Variants in PIK3CB observed in about 807,000 individuals in gnomAD.
PIK3CB encodes phosphatidylinositol-4,5-bisphosphate 3-kinase catalytic subunit beta, also known as phosphatidylinositol 4,5-bisphosphate 3-kinase catalytic subunit beta isoform.
In PIK3CB, 39 loss-of-function variants were observed where a neutral mutation model predicts 136.8. The ratio of observed to expected loss-of-function variants is 0.29; its 90% confidence interval spans 0.22 to 0.37. The LOEUF (loss-of-function observed/expected upper bound fraction) is 0.37, where lower values mean the gene tolerates loss of function less well. PIK3CB is among the 10% of genes least tolerant of loss of function. The pLI is 1.00. For missense variants in PIK3CB, 868 were observed against 1,275.4 expected (o/e 0.68, Z 4.87); for synonymous variants, 428 against 436.6 (o/e 0.98, Z 0.25).
intron 2 of PIK3CB, among the ~76,000 whole-genome samples, chr3:138,771,453 C>T (rs542591364): frequency 1.3e-5 from 2 of 152,096 alleles, no homozygotes; most frequent in South Asian, 2.1e-4. Flanking sequence ...CTCCTGACCT[C>T]GTGATCTGCC....
chr3:138,701,171 A>G (rs142111038), intron 12 of PIK3CB, among the ~76,000 whole-genome samples: 2 of 152,134 alleles, frequency 1.3e-5, no homozygotes, highest in East Asian at 3.9e-4. Context: ...ATTCTATAAA[A>G]TAATTGGCCT....
At chr3:138,769,207 C>A (rs2045770739) in intron 2 of PIK3CB, among the ~76,000 whole-genome samples, 4 of 152,234 alleles carry the variant, frequency 2.6e-5, no homozygotes, top group Admixed American at 2.6e-4. Context: ...AGCAGCTGTT[C>A]TAGACGGTCC....
At chr3:138,684,491 G>T (rs2043842323) in intron 17 of PIK3CB, 134 bp downstream of exon 17, 3 of 525,182 alleles carry the variant, frequency 5.7e-6, no homozygotes, top group Non-Finnish European at 6.5e-6. Flanking sequence ...TAGCCTCGGA[G>T]AACTTTTAAG....
At chr3:138,742,294 T>C (rs1036766702) in intron 5 of PIK3CB, among the ~76,000 whole-genome samples, 1 of 152,150 alleles carries the variant, frequency 6.6e-6, no homozygotes, top group African/African-American at 2.4e-5. Flanking sequence ...TAACATCCCT[T>C]TAAAACTGTA....
chr3:138,725,276 C>T (rs2044813294), intron 8 of PIK3CB, among the ~76,000 whole-genome samples: 1 of 152,012 alleles, frequency 6.6e-6, no homozygotes, highest in South Asian at 2.1e-4. Context: ...TATAACTAGG[C>T]TATGGGGAAT....
chr3:138,704,409 T>C (rs746982729), intron 12 of PIK3CB, 34 bp downstream of exon 12: 4 of 1,445,914 alleles, frequency 2.8e-6, no homozygotes, highest in Non-Finnish European at 3.9e-6. Context: ...CACAACTCCA[T>C]AAGAAAGGGC....
rs577642207 is a variant in PIK3CB at position 138,717,055 on chromosome 3, A to G, written c.1051-2336T>C. Among the ~76,000 whole-genome samples the G allele has an allele frequency of 1.5e-4, 23 of 151,958 alleles. No homozygotes were observed. In the South Asian group the frequency reaches 4.8e-3, roughly 32 times the overall value. On this transcript the variant is annotated intron_variant, in intron 8 of 23. Transcript: ENST00000674063. ...CGGATCATGAGGTCAAGAGATCAAG[A>G]CCATCCTGGCCAACATGGTAAAACT... is the stretch of plus-strand genomic sequence containing the variant.
rs117249502 is a variant in PIK3CB, at chr3:138,658,490, C to G, written c.2797-655G>C. Among the ~76,000 whole-genome samples the G allele has an allele frequency of 2.0e-4, 30 of 152,248 alleles. No homozygotes were observed. The East Asian group carries it at 5.6e-3, about 28-fold the overall frequency. On this transcript the variant is annotated intron_variant, in intron 21 of 23. Transcript: ENST00000674063. Reference sequence around the variant, plus strand: ...AACAAAAAAGTACATCCTTGCCCTACTAGCTCCCCACATTGAGTGCTACTC... The same window carrying G: ...AACAAAAAAGTACATCCTTGCCCTAGTAGCTCCCCACATTGAGTGCTACTC...
chr3:138,729,812 T>C (rs957737053), intron 8 of PIK3CB, among the ~76,000 whole-genome samples: 7 of 152,222 alleles, frequency 4.6e-5, no homozygotes, highest in African/African-American at 1.7e-4. Flanking sequence ...ATTTTTTGCT[T>C]ATTTATATGT....
chr3:138,758,848 C>G (rs1009388860), intron 3 of PIK3CB, among the ~76,000 whole-genome samples: 1 of 152,002 alleles, frequency 6.6e-6, no homozygotes, highest in African/African-American at 2.4e-5. Flanking sequence ...GCAGAAAAGT[C>G]TTTCTTCCCC....
chr3:138,748,702 G>A (rs1434842902), intron 4 of PIK3CB, among the ~76,000 whole-genome samples: 1 of 152,134 alleles, frequency 6.6e-6, no homozygotes, highest in Non-Finnish European at 1.5e-5. Flanking sequence ...TTAAAAGTAG[G>A]TAGAGAATGG....
chr3:138,773,442 C>T (rs574348512), intron 2 of PIK3CB, among the ~76,000 whole-genome samples: 1 of 152,004 alleles, frequency 6.6e-6, no homozygotes, highest in South Asian at 2.1e-4. Context: ...ATCCATAACA[C>T]TGGTATTTCA....
chr3:138,823,102 A>T (rs948899311), intron 1 of PIK3CB, among the ~76,000 whole-genome samples: 34 of 151,374 alleles, frequency 2.2e-4, no homozygotes, highest in African/African-American at 8.2e-4. Context: ...AACAATTTGT[A>T]ATGGTTTATG....
intron 11 of PIK3CB, among the ~76,000 whole-genome samples, chr3:138,705,989 T>TTATC (rs2044371586): frequency 6.6e-6 from 1 of 152,224 alleles, no homozygotes; most frequent in African/African-American, 2.4e-5. Flanking sequence ...TAGCCTCAAG[T>TTATC]TATCCTCCTG....
chr3:138,695,017 T>A, intron 13 of PIK3CB, 110 bp from the exon 14 acceptor site: 1 of 959,710 alleles, frequency 1.0e-6, no homozygotes, highest in Non-Finnish European at 1.5e-6. Context: ...AGCTCACTTT[T>A]AATTATTGAT....
At chr3:138,782,867 C>T (rs974331682) in intron 2 of PIK3CB, among the ~76,000 whole-genome samples, 2 of 152,208 alleles carry the variant, frequency 1.3e-5, no homozygotes, top group Admixed American at 1.3e-4. Context: ...GACCATTATT[C>T]ATTTTTGGTC....
chr3:138,824,820 G>C (rs1356246306), intron 1 of PIK3CB, among the ~76,000 whole-genome samples: 1 of 150,684 alleles, frequency 6.6e-6, no homozygotes, highest in Non-Finnish European at 1.5e-5. Context: ...AGGCCAAGCA[G>C]GCAAATCACC....
intron 1 of PIK3CB, among the ~76,000 whole-genome samples, chr3:138,827,776 G>C (rs1405914375): frequency 6.6e-6 from 1 of 151,028 alleles, no homozygotes; most frequent in East Asian, 2.0e-4. Flanking sequence ...TCAGGAAATC[G>C]AGACTATCCT....
intron 12 of PIK3CB, among the ~76,000 whole-genome samples, chr3:138,701,915 A>C (rs1168903413): frequency 6.6e-6 from 1 of 150,762 alleles, no homozygotes; most frequent in African/African-American, 2.4e-5. Context: ...AAGTATATTA[A>C]ATGAAAAAAG....
Sources: allele counts gnomAD v4.1 joint callset (sites outside exome capture counted in the v4.1 genomes callset), GRCh38; gene constraint gnomAD v4.1.1; transcripts MANE v1.5; gene names NCBI Gene and HGNC (gene_info 2026-07-23, HGNC 2026-07-21).